The following PCDH9 variants were observed in gnomAD, a reference collection of about 807,000 sequenced individuals.
The protein encoded by PCDH9 is protocadherin 9, also known as protocadherin-9.
In PCDH9, 24 loss-of-function variants were observed where a neutral mutation model predicts 70.6. The observed-to-expected ratio is 0.34, with a 90% CI of 0.25 to 0.48. PCDH9 has a LOEUF of 0.48. PCDH9 is among the 20% of genes least tolerant of loss of function. PCDH9 has a pLI of 0.99. For synonymous variants in PCDH9, 562 were observed against 558.5 expected, an observed-to-expected ratio of 1.01 and a Z score of -0.09; for missense variants, 1,281 against 1,503.6, an observed-to-expected ratio of 0.85 and a Z score of 2.45.
At chr13:66,826,145 T>C (rs2080820016) in intron 3 of PCDH9, among the ~76,000 whole-genome samples, 1 of 152,230 alleles carries the variant, frequency 6.6e-6, no homozygotes, top group African/African-American at 2.4e-5. Context: ...TTAAGGACTA[T>C]ATTGTATAAC....
chr13:66,646,288 C>T (rs74095617), intron 3 of PCDH9, among the ~76,000 whole-genome samples: 4,714 of 152,264 alleles, frequency 0.031, 249 homozygotes, highest in African/African-American at 0.11. Flanking sequence ...TCCTGATACA[C>T]TTCCATTGTT....
chr13:66,886,377 G>T (rs1024998594), intron 3 of PCDH9, among the ~76,000 whole-genome samples: 5 of 152,096 alleles, frequency 3.3e-5, no homozygotes, highest in Non-Finnish European at 5.9e-5. Context: ...CAGAAAGGGG[G>T]CTGTGAGCAT....
chr13:67,214,124 GTTA>G (rs1449539777), intron 2 of PCDH9: 3 of 152,164 alleles, frequency 2.0e-5, no homozygotes, highest in Non-Finnish European at 4.4e-5. Context: ...TCTCATTTAT[GTTA>G]TTATGTCACT....
In PCDH9 at chr13:66,592,916, T is replaced by C. The variant is rs113372833; in HGVS notation, c.3340+38294A>G. Among the ~76,000 whole-genome samples the C allele has an allele frequency of 8.0e-3, 1,209 of 151,788 alleles. 15 individuals are homozygous for C. Among genetic ancestry groups the C allele is most frequent in the African/African-American group, 0.028 (1,148 of 41,516 alleles). On this transcript the variant is annotated intron_variant, in intron 4 of 4. Coordinates refer to ENST00000377865, the MANE Select transcript of PCDH9 (RefSeq NM_203487.3). ...CAGAGGAAAAATTTAAAACTGAAAA[T>C]AACATTTTCATATAGTTGATTTTCT...
chr13:66,498,111 C>T (rs1233746468), intron 4 of PCDH9, among the ~76,000 whole-genome samples: 5 of 151,630 alleles, frequency 3.3e-5, no homozygotes, highest in African/African-American at 7.3e-5. Flanking sequence ...TGAGCCACCA[C>T]GCCCAGCCCA....
At chr13:66,531,842 G>A (rs1960469637) in intron 4 of PCDH9, among the ~76,000 whole-genome samples, 1 of 152,140 alleles carries the variant, frequency 6.6e-6, no homozygotes, top group Non-Finnish European at 1.5e-5. Context: ...ATCAACAATA[G>A]CACAAATGGA....
intron 3 of PCDH9, among the ~76,000 whole-genome samples, chr13:66,684,237 T>G (rs2078367921): frequency 6.6e-6 from 1 of 152,238 alleles, no homozygotes; most frequent in Admixed American, 6.5e-5. Context: ...TGTATTTAAC[T>G]ACAACTGTGC....
chr13:66,336,143 A>G (rs929473233), intron 4 of PCDH9, among the ~76,000 whole-genome samples: 1 of 152,114 alleles, frequency 6.6e-6, no homozygotes, highest in African/African-American at 2.4e-5. Flanking sequence ...CTCCCTATGC[A>G]CAGGAGTGAT....
intron 2 of PCDH9, among the ~76,000 whole-genome samples, chr13:67,039,114 C>T (rs568135260): frequency 4.1e-4 from 62 of 152,162 alleles, no homozygotes; most frequent in Non-Finnish European, 8.7e-4. Flanking sequence ...CATGTGTCTC[C>T]AGATCCAAGG....
chr13:67,029,610 A>C (rs1052302687), intron 2 of PCDH9, among the ~76,000 whole-genome samples: 3 of 152,172 alleles, frequency 2.0e-5, no homozygotes, highest in Admixed American at 6.6e-5. Flanking sequence ...GCCTTGACTA[A>C]GATGTTTTGC....
intron 4 of PCDH9, among the ~76,000 whole-genome samples, chr13:66,568,186 T>C (rs1186311745): frequency 1.3e-5 from 2 of 152,074 alleles, no homozygotes; most frequent in Non-Finnish European, 2.9e-5. Context: ...CTGAGCTCTT[T>C]TTATCTACCA....
intron 4 of PCDH9, among the ~76,000 whole-genome samples, chr13:66,395,301 G>T (rs1424587896): frequency 6.6e-6 from 1 of 152,042 alleles, no homozygotes; most frequent in Non-Finnish European, 1.5e-5. Context: ...AACAAAGTTG[G>T]AAATAAATAA....
rs192226196 is a variant in PCDH9, at chr13:67,005,939, C to T, written c.3037-102334G>A. On this transcript the variant is annotated intron_variant, in intron 2 of 4. Coordinates refer to ENST00000377865, the MANE Select transcript of PCDH9 (RefSeq NM_203487.3). ...TTACATAACAGTATAAAAATTGGAT[C>T]TTATAGGCCAGGCGCGGCGGCTCAC... Among the ~76,000 whole-genome samples, 3 of 152,218 alleles carry T rather than the reference C, an allele frequency of 2.0e-5. No individual in the cohort carries two copies. The East Asian group carries it at 5.8e-4, about 30-fold the overall frequency.
At chr13:66,482,551 A>G (rs1958861149) in intron 4 of PCDH9, among the ~76,000 whole-genome samples, 1 of 152,206 alleles carries the variant, frequency 6.6e-6, no homozygotes, top group South Asian at 2.1e-4. Flanking sequence ...ACAACACACA[A>G]TTTATCACAT....
chr13:66,902,842 G>T (rs1355560291), intron 3 of PCDH9, among the ~76,000 whole-genome samples: 1 of 151,398 alleles, frequency 6.6e-6, no homozygotes, highest in Admixed American at 6.6e-5. Flanking sequence ...AAAGATAGTA[G>T]ATTTCTATAC....
chr13:67,025,545 G>C (rs890128908), intron 2 of PCDH9, among the ~76,000 whole-genome samples: 2 of 151,968 alleles, frequency 1.3e-5, no homozygotes, highest in African/African-American at 2.4e-5. Context: ...TAAAAGAATG[G>C]CTTTGGAGTA....
chr13:66,354,050 C>A (rs1388786302), intron 4 of PCDH9, among the ~76,000 whole-genome samples: 1 of 152,178 alleles, frequency 6.6e-6, no homozygotes, highest in Non-Finnish European at 1.5e-5. Context: ...ATTTTAAAGG[C>A]AGCAAAACTC....
At position 66,304,667 on chromosome 13, in the gene PCDH9, C is replaced by G; in HGVS notation, c.3702G>C (p.Glu1234Asp). Residue 1234 changes from glutamate to aspartate, a missense_variant, in exon 5 of 5, where the codon GAG (glutamate) becomes GAC (aspartate). Around this residue, in one of 4 missense-constraint regions of PCDH9, gnomAD observed 264 missense variants for 278.8 expected, o/e 0.95. Coordinates refer to ENST00000377865, the MANE Select transcript of PCDH9 (RefSeq NM_203487.3). ...QAGGATESPK[E>D]HQL ...ATATAGCCTTTTCTTAGAGTTGGTG[C>G]TCCTTAGGACTCTCAGTAGCACCTC... 1 of 1,612,684 alleles carries G rather than the reference C, an allele frequency of 6.2e-7. No homozygotes were observed. The highest frequency in any genetic ancestry group is 8.5e-7 in the Non-Finnish European group (1 of 1,179,086).
chr13:66,370,705 G>T (rs1298873644), intron 4 of PCDH9, among the ~76,000 whole-genome samples: 1 of 151,518 alleles, frequency 6.6e-6, no homozygotes, highest in African/African-American at 2.4e-5. Flanking sequence ...GTAGAGACAA[G>T]GTGTCACTAT....
Sources: allele counts gnomAD v4.1 joint callset (sites outside exome capture counted in the v4.1 genomes callset), GRCh38; gene constraint gnomAD v4.1.1; regional missense constraint gnomAD v4.1.1; transcripts MANE v1.5; gene names NCBI Gene and HGNC (gene_info 2026-07-23, HGNC 2026-07-21).